The following TRPS1 variants were observed in gnomAD, a reference collection of about 807,000 sequenced individuals.
TRPS1 encodes the protein transcriptional repressor GATA binding 1.
TRPS1 carries 6 observed loss-of-function variants against 101.2 expected under a neutral mutation model. That is an observed-to-expected ratio of 0.06 (90% CI 0.03 to 0.12). TRPS1 has a LOEUF of 0.12. Among genes scored for constraint, TRPS1 ranks in the 10% least tolerant of loss-of-function variants. The pLI, the probability that TRPS1 is intolerant of heterozygous loss-of-function variation, is 1.00. For synonymous variants in TRPS1, 578 were observed against 589.8 expected (o/e 0.98, Z 0.29); for missense variants, 1,363 against 1,567.0 (o/e 0.87, Z 2.20).
chr8:115,471,193 T>C (rs955134290), intron 5 of TRPS1, among the ~76,000 whole-genome samples: 1 of 152,134 alleles, frequency 6.6e-6, no homozygotes, highest in Non-Finnish European at 1.5e-5. Context: ...CAGAAGCGCC[T>C]GAGATTGGGT....
intron 4 of TRPS1, among the ~76,000 whole-genome samples, chr8:115,589,124 G>T (rs1220378544): frequency 6.6e-6 from 1 of 152,210 alleles, no homozygotes; most frequent in Non-Finnish European, 1.5e-5. Flanking sequence ...CCACATTCTA[G>T]CTAGTCTGAG....
In TRPS1 at chr8:115,418,598, G is replaced by T; in HGVS notation, c.2701-146C>A. 1.9e-6 allele frequency: 2 copies of T among 1,066,972 alleles called. No homozygotes were observed. Among genetic ancestry groups the T allele is most frequent in the Non-Finnish European group, 1.4e-6 (1 of 706,208 alleles). 66.1% of individuals were successfully genotyped at this position (1,066,972 alleles called of 1,614,324 possible). ...CCATAATGAGGTCAGGTTCAATTGTGTTTAATAGGCACCACTGATTTTCAT... is the reference window on the plus strand; with the variant it reads ...CCATAATGAGGTCAGGTTCAATTGTTTTTAATAGGCACCACTGATTTTCAT... On this transcript the variant is annotated intron_variant, in intron 5 of 6. Coordinates refer to ENST00000395715, the MANE Select transcript of TRPS1 (RefSeq NM_014112.5). The surrounding 1 kb of genome is among the most constrained non-coding windows in gnomAD (Gnocchi z 4.3).
At position 115,635,480 on chromosome 8, in the gene TRPS1, G is replaced by A. The variant is rs547502008; in HGVS notation, c.-121-11722C>T. Among the ~76,000 whole-genome samples, 132 of 152,296 alleles carry A rather than the reference G, an allele frequency of 8.7e-4. No homozygotes were observed. In the Middle Eastern group the frequency reaches 0.017, roughly 20 times the overall value. On this transcript the variant is annotated intron_variant, in intron 1 of 6. Transcript: ENST00000395715. ...GAGGGCCAACTATGTGTCAGGCATT[G>A]AGTAAAGTGTTGAGTAAGGTGCTGA...
At chr8:115,443,943 CAT>C (rs1471764830) in intron 5 of TRPS1, among the ~76,000 whole-genome samples, 1 of 152,160 alleles carries the variant, frequency 6.6e-6, no homozygotes, top group Admixed American at 6.5e-5. Flanking sequence ...TTTCTAAAAA[CAT>C]AGATTTACAA....
At chr8:115,566,522 T>C (rs1817070831) in intron 5 of TRPS1, among the ~76,000 whole-genome samples, 1 of 152,168 alleles carries the variant, frequency 6.6e-6, no homozygotes, top group Non-Finnish European at 1.5e-5. Context: ...TTTGCATTTT[T>C]TTCTTTCTTC....
At chr8:115,505,990 A>G (rs1017958907) in intron 5 of TRPS1, among the ~76,000 whole-genome samples, 2 of 152,124 alleles carry the variant, frequency 1.3e-5, no homozygotes, top group Non-Finnish European at 2.9e-5. Flanking sequence ...ATCTGTCAAT[A>G]TTAATCTATG....
intron 5 of TRPS1, among the ~76,000 whole-genome samples, chr8:115,542,741 G>A (rs1055679054): frequency 1.3e-5 from 2 of 152,076 alleles, no homozygotes; most frequent in South Asian, 4.1e-4. Context: ...TCACCTCACA[G>A]ACATGTTGTG....
chr8:115,495,186 A>G (rs1035045753), intron 5 of TRPS1, among the ~76,000 whole-genome samples: 2 of 152,212 alleles, frequency 1.3e-5, no homozygotes, highest in Non-Finnish European at 2.9e-5. Context: ...GTAGCGGTAG[A>G]ACAAAATCTT....
intron 5 of TRPS1, among the ~76,000 whole-genome samples, chr8:115,424,478 T>A (rs984582008): frequency 4.6e-5 from 7 of 152,240 alleles, no homozygotes; most frequent in African/African-American, 1.7e-4. Context: ...GAGACAAACA[T>A]GGTCTGTAAT....
chr8:115,520,744 G>GT (rs201542912), intron 5 of TRPS1, among the ~76,000 whole-genome samples: 151,852 of 151,856 alleles, frequency 1, 75,924 homozygotes, highest in Middle Eastern at 1. Context: ...CTTCTGTGAA[G>GT]TACATGTTAA....
At chr8:115,436,054 G>A (rs538422654) in intron 5 of TRPS1, among the ~76,000 whole-genome samples, 1 of 139,834 alleles carries the variant, frequency 7.2e-6, no homozygotes, top group East Asian at 2.1e-4. Flanking sequence ...ATTCAGCTAA[G>A]GAGCCCATGC....
At chr8:115,527,504 T>TA (rs1196870318) in intron 5 of TRPS1, among the ~76,000 whole-genome samples, 1 of 150,778 alleles carries the variant, frequency 6.6e-6, no homozygotes. Context: ...GTTCATATAT[T>TA]AAAAAAAAGT....
At chr8:115,630,806 C>T (rs1190271115) in intron 1 of TRPS1, among the ~76,000 whole-genome samples, 1 of 151,976 alleles carries the variant, frequency 6.6e-6, no homozygotes, top group African/African-American at 2.4e-5. Context: ...AGACCTAGCA[C>T]ATGAACAAGT....
At chr8:115,462,089 G>A (rs1814195045) in intron 5 of TRPS1, among the ~76,000 whole-genome samples, 1 of 152,082 alleles carries the variant, frequency 6.6e-6, no homozygotes, top group African/African-American at 2.4e-5. Context: ...CAAGGCTTAT[G>A]GCCAGAAATG....
At chr8:115,553,203 T>C (rs1816741997) in intron 5 of TRPS1, among the ~76,000 whole-genome samples, 1 of 152,058 alleles carries the variant, frequency 6.6e-6, no homozygotes, top group African/African-American at 2.4e-5. Flanking sequence ...TTTTTTATTA[T>C]GTTGAGTAAG....
At chr8:115,515,046 C>T (rs904433606) in intron 5 of TRPS1, 3 of 559,658 alleles carry the variant, frequency 5.4e-6, no homozygotes, top group Non-Finnish European at 9.6e-6. Flanking sequence ...ATTAAGATGG[C>T]ATATACTGTG....
chr8:115,444,210 A>T (rs1813675659), intron 5 of TRPS1, among the ~76,000 whole-genome samples: 1 of 152,120 alleles, frequency 6.6e-6, no homozygotes, highest in Admixed American at 6.5e-5. Context: ...TCTGGTGTCC[A>T]ACATGGTACA....
chr8:115,627,982 T>G (rs1403124629), intron 1 of TRPS1, among the ~76,000 whole-genome samples: 1 of 151,860 alleles, frequency 6.6e-6, no homozygotes. Context: ...TTACTATTAG[T>G]AGTATTAAAA....
At chr8:115,509,302 C>T (rs1297942294) in intron 5 of TRPS1, among the ~76,000 whole-genome samples, 1 of 151,946 alleles carries the variant, frequency 6.6e-6, no homozygotes, top group Non-Finnish European at 1.5e-5. Context: ...TTCATTTAAT[C>T]ATCATTTATG....
Sources: gnomAD v4.1 joint callset for allele counts (sites outside exome capture counted in the v4.1 genomes callset) on GRCh38, gnomAD v4.1.1 for gene constraint, Gnocchi (gnomAD v3.1) non-coding constraint, MANE v1.5 for transcripts, NCBI Gene and HGNC (gene_info 2026-07-23, HGNC 2026-07-21) for gene names.